The following KIAA1328 variants were observed in gnomAD, a reference collection of about 807,000 sequenced individuals.
KIAA1328 encodes protein hinderin.
A neutral mutation model predicts 68.1 loss-of-function variants in KIAA1328; 52 were observed. The ratio of observed to expected loss-of-function variants is 0.76; its 90% CI spans 0.61 to 0.96. The LOEUF (loss-of-function observed/expected upper bound fraction) is 0.96. Among genes scored for constraint, KIAA1328 ranks in the 40% least tolerant of loss-of-function variants. The pLI is 0.00. For missense variants in KIAA1328, 641 were observed against 677.6 expected (o/e 0.95, Z 0.60); for synonymous variants, 232 against 239.4 (o/e 0.97, Z 0.28).
At chr18:37,124,896 T>G (rs2058355898) in intron 7 of KIAA1328, among the ~76,000 whole-genome samples, 1 of 152,222 alleles carries the variant, frequency 6.6e-6, no homozygotes, top group Non-Finnish European at 1.5e-5. Context: ...CACTTCTCAT[T>G]CTTCATATTG....
chr18:36,928,623 T>C (rs1450655918), intron 5 of KIAA1328, among the ~76,000 whole-genome samples: 1 of 152,222 alleles, frequency 6.6e-6, no homozygotes. Flanking sequence ...TAACATTTTC[T>C]CTTTGGCTTT....
chr18:36,929,970 C>T lies in KIAA1328; in HGVS notation c.449-29338C>T, dbSNP rs762082771. ...TAGTAGTTTCAGCCTTTGCTTTCTA[C>T]GAGAGAAGGATCTAAGATGTGGGCA... On this transcript the variant is annotated intron_variant, in intron 5 of 9. Coordinates refer to ENST00000280020, the MANE Select transcript of KIAA1328 (RefSeq NM_020776.3). Among the ~76,000 whole-genome samples the T allele has an allele frequency of 5.3e-5, 8 of 152,142 alleles. No homozygotes were observed. The South Asian group carries it at 8.3e-4, about 16-fold the overall frequency.
intron 5 of KIAA1328, among the ~76,000 whole-genome samples, chr18:36,898,931 C>G (rs987855155): frequency 2.6e-5 from 4 of 151,884 alleles, no homozygotes; most frequent in African/African-American, 9.7e-5. Flanking sequence ...GCAGTCGTGT[C>G]ATCTGCAAAT....
intron 9 of KIAA1328, among the ~76,000 whole-genome samples, chr18:37,202,554 T>C (rs757885732): frequency 1.7e-4 from 26 of 152,294 alleles, no homozygotes; most frequent in Admixed American, 3.3e-4. Flanking sequence ...AGAATCATAG[T>C]AAAACAATAA....
chr18:37,104,216 C>A (rs1164101186), intron 7 of KIAA1328, among the ~76,000 whole-genome samples: 1 of 152,148 alleles, frequency 6.6e-6, no homozygotes, highest in Non-Finnish European at 1.5e-5. Flanking sequence ...TACGTACACC[C>A]CCGTGTTTAT....
intron 7 of KIAA1328, among the ~76,000 whole-genome samples, chr18:37,069,260 GTT>G (rs35780871): frequency 1.6e-4 from 21 of 133,634 alleles, no homozygotes; most frequent in Non-Finnish European, 1.6e-4. Flanking sequence ...ATTTGCATCA[GTT>G]TTTTTTTTTT....
intron 4 of KIAA1328, among the ~76,000 whole-genome samples, chr18:36,865,349 A>T (rs1176583458): frequency 6.6e-6 from 1 of 152,052 alleles, no homozygotes; most frequent in Non-Finnish European, 1.5e-5. Context: ...ATAATTTCCA[A>T]TCATACGGAG....
At chr18:37,077,412 A>G (rs1282007775) in intron 7 of KIAA1328, among the ~76,000 whole-genome samples, 2 of 149,074 alleles carry the variant, frequency 1.3e-5, no homozygotes, top group Non-Finnish European at 3.0e-5. Flanking sequence ...ATTCCCTCTG[A>G]AAACTGGCAC....
chr18:36,860,627 A>G (rs1221506067), intron 4 of KIAA1328, among the ~76,000 whole-genome samples: 1 of 152,170 alleles, frequency 6.6e-6, no homozygotes, highest in East Asian at 1.9e-4. Context: ...ATTATGTTAC[A>G]TGTTACAGTT....
intron 4 of KIAA1328, among the ~76,000 whole-genome samples, chr18:36,872,947 T>A (rs1328288750): frequency 1.3e-5 from 2 of 152,192 alleles, no homozygotes; most frequent in Non-Finnish European, 2.9e-5. Flanking sequence ...CTTTAATAAC[T>A]TTAAAGTGCC....
At chr18:36,875,945 T>C (rs2048108093) in intron 4 of KIAA1328, among the ~76,000 whole-genome samples, 1 of 152,204 alleles carries the variant, frequency 6.6e-6, no homozygotes, top group South Asian at 2.1e-4. Context: ...TGTCATTGTT[T>C]CTGTTTGTGT....
chr18:37,132,006 T>C (rs779056076), intron 7 of KIAA1328, among the ~76,000 whole-genome samples: 1 of 152,220 alleles, frequency 6.6e-6, no homozygotes, highest in African/African-American at 2.4e-5. Flanking sequence ...TTTAAAATGC[T>C]ATTAATTTAT....
At chr18:37,143,608 G>C (rs749960134) in intron 7 of KIAA1328, among the ~76,000 whole-genome samples, 15 of 115,894 alleles carry the variant, frequency 1.3e-4, no homozygotes, top group Non-Finnish European at 2.0e-4. Flanking sequence ...TCCTTATATT[G>C]TTCCCAATCT....
At chr18:36,877,953 C>T (rs2048194816) in intron 4 of KIAA1328, among the ~76,000 whole-genome samples, 1 of 152,052 alleles carries the variant, frequency 6.6e-6, no homozygotes, top group Non-Finnish European at 1.5e-5. Flanking sequence ...GGGCCTGAGC[C>T]ACTGCACCCG....
At chr18:37,125,847 T>G (rs767771672) in intron 7 of KIAA1328, among the ~76,000 whole-genome samples, 7 of 152,164 alleles carry the variant, frequency 4.6e-5, no homozygotes, top group South Asian at 2.1e-4. Flanking sequence ...CAGCTTGCAG[T>G]TGCTATTGTT....
At chr18:37,012,163 T>C (rs536375331) in intron 6 of KIAA1328, among the ~76,000 whole-genome samples, 108 of 152,276 alleles carry the variant, frequency 7.1e-4, no homozygotes, top group African/African-American at 2.6e-3. Context: ...ATAGAACTAA[T>C]ATACTAAGAC....
At chr18:37,002,085 A>G (rs778216683) in intron 6 of KIAA1328, among the ~76,000 whole-genome samples, 2 of 152,118 alleles carry the variant, frequency 1.3e-5, no homozygotes, top group Non-Finnish European at 2.9e-5. Flanking sequence ...AGTGCTGATA[A>G]TATTATCTTA....
chr18:37,193,762 T>G (rs576092456), intron 9 of KIAA1328: 42 of 606,472 alleles, frequency 6.9e-5, no homozygotes, highest in African/African-American at 6.5e-4. Flanking sequence ...TTTTGAAAAT[T>G]TTTGCCTTAT....
intron 6 of KIAA1328, among the ~76,000 whole-genome samples, chr18:37,008,676 A>G (rs1365007910): frequency 2.0e-5 from 3 of 152,220 alleles, no homozygotes; most frequent in Non-Finnish European, 4.4e-5. Flanking sequence ...AAATTAATGG[A>G]TAGAAGTTCT....
Sources: gnomAD v4.1 joint callset for allele counts (sites outside exome capture counted in the v4.1 genomes callset) on GRCh38, gnomAD v4.1.1 for gene constraint, MANE v1.5 for transcripts, NCBI Gene and HGNC (gene_info 2026-07-23, HGNC 2026-07-21) for gene names.